The following RNF38 variants were observed in gnomAD, a reference collection of about 807,000 sequenced individuals.
RNF38 encodes the protein ring finger protein 38, also known as E3 ubiquitin-protein ligase RNF38.
RNF38 carries 15 observed loss-of-function variants against 67.2 expected under a neutral mutation model. The observed-to-expected ratio is 0.22, with a 90% confidence interval of 0.15 to 0.34. RNF38 has a LOEUF of 0.34. RNF38 is among the 10% of genes least tolerant of loss of function. The pLI, the probability that RNF38 is intolerant of heterozygous loss-of-function variation, is 1.00. For missense variants in RNF38, 524 were observed against 639.9 expected, an observed-to-expected ratio of 0.82 and a Z score of 1.95; for synonymous variants, 220 against 218.8, an observed-to-expected ratio of 1.01 and a Z score of -0.05.
intron 1 of RNF38, among the ~76,000 whole-genome samples, chr9:36,447,450 G>A (rs990853618): frequency 1.3e-5 from 2 of 152,108 alleles, no homozygotes; most frequent in Non-Finnish European, 2.9e-5. Flanking sequence ...TTCAGGAGAC[G>A]AATTTCTAAC....
intron 1 of RNF38, among the ~76,000 whole-genome samples, chr9:36,463,836 A>G (rs191285485): frequency 2.6e-5 from 4 of 152,310 alleles, no homozygotes; most frequent in Non-Finnish European, 4.4e-5. Context: ...CCTAGCTCAC[A>G]CTTACTCTTT....
At position 36,458,671 on chromosome 9, in the gene RNF38, A is replaced by T. The variant is rs370976256; in HGVS notation, n.241+28637T>A. 7.5e-4 allele frequency among the ~76,000 whole-genome samples: 114 copies of T among 151,882 alleles called. 2 individuals carry two copies. In the South Asian group the frequency reaches 0.022, roughly 30 times the overall value. On this transcript the variant is annotated intron_variant and non_coding_transcript_variant, in intron 1 of 3. Coordinates refer to the RNF38 transcript ENST00000488058. The stretch of plus-strand genomic sequence containing the variant: ...GGAAGGAAGTTCCGGACACATCTGA[A>T]CATCTGGAGGAACAAACTCTGGACA...
intron 3 of RNF38, chr9:36,372,693 A>C: frequency 2.0e-6 from 1 of 511,248 alleles, no homozygotes; most frequent in East Asian, 3.1e-5. Flanking sequence ...ACTCTCTACT[A>C]CTCTTTTGTC....
At chr9:36,411,520 T>C (rs1474626734) in intron 2 of RNF38, among the ~76,000 whole-genome samples, 1 of 152,200 alleles carries the variant, frequency 6.6e-6, no homozygotes, top group African/African-American at 2.4e-5. Context: ...CAACCCCAAG[T>C]ATTTATCAAT....
intron 4 of RNF38, among the ~76,000 whole-genome samples, chr9:36,367,337 C>T (rs1328122462): frequency 1.3e-5 from 2 of 152,166 alleles, no homozygotes; most frequent in Admixed American, 6.5e-5. Context: ...AGCCTTCCTA[C>T]CACGTATTGA....
In RNF38 at chr9:36,339,527, GAA is replaced by G. The variant is rs1267139129; in HGVS notation, c.*223_*224del. 4.1e-6 allele frequency: 2 copies of G among 483,970 alleles called. No homozygotes were observed. The highest frequency in any genetic ancestry group is 3.7e-6 in the Non-Finnish European group (1 of 269,408). The allele number at this position is 483,970 out of a possible 1,614,324, so 30.0% of individuals were successfully genotyped here. On this transcript the variant is annotated 3_prime_UTR_variant, in exon 12 of 12. Transcript: ENST00000259605. ...AGTGCACACACAAAATTAAGCTAAA[GAA>G]AAAGTCTTTGGAGTTCCAATCACAC...
intron 3 of RNF38, 107 bp downstream of exon 3, chr9:36,375,827 G>C: frequency 1.0e-6 from 1 of 982,176 alleles, no homozygotes; most frequent in Non-Finnish European, 1.5e-6. Context: ...TGTATATGTG[G>C]TGATGTGTTT....
intron 2 of RNF38, among the ~76,000 whole-genome samples, chr9:36,376,786 C>T (rs958990869): frequency 2.0e-5 from 3 of 151,832 alleles, no homozygotes; most frequent in Non-Finnish European, 4.4e-5. Context: ...ATTAGCTGGG[C>T]GTGGTGGCAC....
chr9:36,437,458 A>G (rs907800742), intron 1 of RNF38, among the ~76,000 whole-genome samples: 9 of 152,202 alleles, frequency 5.9e-5, no homozygotes, highest in African/African-American at 2.2e-4. Flanking sequence ...CTAGGAAACA[A>G]ATCATTTTCA....
intron 1 of RNF38, among the ~76,000 whole-genome samples, chr9:36,469,885 G>A (rs1004839582): frequency 1.3e-5 from 2 of 152,098 alleles, no homozygotes; most frequent in African/African-American, 2.4e-5. Flanking sequence ...GGCTGTGGAG[G>A]GAGGGTCACT....
intron 1 of RNF38, among the ~76,000 whole-genome samples, chr9:36,438,058 C>T (rs529189579): frequency 4.6e-5 from 7 of 152,294 alleles, no homozygotes; most frequent in African/African-American, 1.7e-4. Context: ...CTTCCAGCCT[C>T]AGCCTCTCGA....
chr9:36,449,067 T>C (rs1839376432), intron 1 of RNF38, among the ~76,000 whole-genome samples: 1 of 152,216 alleles, frequency 6.6e-6, no homozygotes, highest in South Asian at 2.1e-4. Flanking sequence ...ATACAACTGA[T>C]ACCTAGATCT....
intron 4 of RNF38, 48 bp from the exon 5 acceptor site, chr9:36,357,990 T>G (rs769970561): frequency 4.6e-6 from 7 of 1,513,854 alleles, no homozygotes; most frequent in Non-Finnish European, 6.4e-6. Flanking sequence ...TTAGATAAAA[T>G]GTTAACTATT....
At chr9:36,365,757 C>A (rs1184337722) in intron 4 of RNF38, among the ~76,000 whole-genome samples, 1 of 148,210 alleles carries the variant, frequency 6.7e-6, no homozygotes, top group African/African-American at 2.5e-5. Context: ...CCTCCGCCTC[C>A]CGGGTTCAAG....
intron 2 of RNF38, among the ~76,000 whole-genome samples, chr9:36,376,359 TA>T (rs1195344610): frequency 6.6e-6 from 1 of 152,180 alleles, no homozygotes; most frequent in Non-Finnish European, 1.5e-5. Flanking sequence ...GCTTTGTTTT[TA>T]AAAACTCATT....
rs778731662 is a variant in RNF38 at position 36,369,745 on chromosome 9, C to G, written c.544G>C (p.Ala182Pro). The stretch of plus-strand genomic sequence containing the variant: ...TGATCATGTATGTCAACCATGACTG[C>G]ATTCTGCTGGGGTGGATGAGCAGCA... Reference protein sequence around the residue: ...HPAAHPPQQNAVMVDIHDQLH... With the variant: ...HPAAHPPQQNPVMVDIHDQLH... Residue 182 changes from alanine to proline, a missense_variant, in exon 4 of 12, where the codon GCA becomes CCA. Ala to Pro is a conservative substitution (Grantham distance 27). This residue lies in a region of RNF38 where 461 missense variants were observed against 517.4 expected (regional missense o/e 0.89). Transcript: ENST00000259605. 1 of 1,613,532 alleles carries G rather than the reference C, an allele frequency of 6.2e-7. No homozygotes were observed. Among genetic ancestry groups the G allele is most frequent in the Non-Finnish European group, 8.5e-7 (1 of 1,179,772 alleles).
intron 1 of RNF38, among the ~76,000 whole-genome samples, chr9:36,439,255 T>C (rs930756286): frequency 6.6e-6 from 1 of 152,246 alleles, no homozygotes; most frequent in Admixed American, 6.5e-5. Flanking sequence ...TACTTGCTAA[T>C]AGTATATGTA....
chr9:36,401,130 G>C, upstream of RNF38: 1 of 984,880 alleles, frequency 1.0e-6, no homozygotes, highest in South Asian at 4.7e-5. Context: ...CCACCGGAGC[G>C]CTCCTCCCTT....
At chr9:36,461,750 T>C (rs1489482183) in intron 1 of RNF38, among the ~76,000 whole-genome samples, 1 of 152,010 alleles carries the variant, frequency 6.6e-6, no homozygotes, top group Non-Finnish European at 1.5e-5. Context: ...AAAACAAAGG[T>C]GCCAAAAATG....
Sources: gnomAD v4.1 joint callset for allele counts (sites outside exome capture counted in the v4.1 genomes callset) on GRCh38, gnomAD v4.1.1 for gene constraint, gnomAD v4.1.1 regional missense constraint, MANE v1.5 for transcripts, NCBI Gene and HGNC (gene_info 2026-07-23, HGNC 2026-07-21) for gene names.